Variants in SNTG1 observed in about 807,000 individuals in gnomAD.
SNTG1 encodes the protein syntrophin gamma 1.
A neutral mutation model predicts 74.7 loss-of-function variants in SNTG1; 39 were observed. The observed-to-expected ratio is 0.52, with a 90% CI of 0.40 to 0.68. The LOEUF (loss-of-function observed/expected upper bound fraction) is 0.68. Among genes scored for constraint, SNTG1 ranks in the 30% least tolerant of loss-of-function variants. The pLI, the probability that SNTG1 is intolerant of heterozygous loss-of-function variation, is 0.00. For missense variants in SNTG1, 685 were observed against 609.5 expected, an observed-to-expected ratio of 1.12 and a Z score of -1.30; for synonymous variants, 254 against 217.1, an observed-to-expected ratio of 1.17 and a Z score of -1.49.
intron 1 of SNTG1, among the ~76,000 whole-genome samples, chr8:50,058,309 C>T (rs1489602516): frequency 6.6e-6 from 1 of 152,084 alleles, no homozygotes; most frequent in Non-Finnish European, 1.5e-5. Flanking sequence ...CAGAAACAGA[C>T]AGATGAGATT....
At chr8:50,181,039 C>T (rs769872127) in intron 2 of SNTG1, among the ~76,000 whole-genome samples, 26 of 152,152 alleles carry the variant, frequency 1.7e-4, no homozygotes, top group Non-Finnish European at 3.4e-4. Context: ...GCTAGGATTA[C>T]AGGCGTGAGC....
intron 9 of SNTG1, among the ~76,000 whole-genome samples, chr8:50,513,739 G>A (rs2094107104): frequency 6.6e-6 from 1 of 152,250 alleles, no homozygotes; most frequent in Admixed American, 6.5e-5. Context: ...ATCTCCTGGT[G>A]TGCCGTTTGC....
At chr8:50,402,801 G>A (rs968301454) in intron 4 of SNTG1, among the ~76,000 whole-genome samples, 7 of 152,134 alleles carry the variant, frequency 4.6e-5, no homozygotes, top group African/African-American at 1.7e-4. Flanking sequence ...GTTCCCCTAG[G>A]ATAGTGTCTA....
chr8:50,391,388 TG>T (rs1426371726), intron 2 of SNTG1, among the ~76,000 whole-genome samples: 3 of 152,186 alleles, frequency 2.0e-5, no homozygotes, highest in African/African-American at 7.2e-5. Context: ...GATTTGTGTA[TG>T]TTGAACCAGC....
intron 2 of SNTG1, among the ~76,000 whole-genome samples, chr8:50,195,110 C>A (rs911455911): frequency 1.1e-4 from 16 of 152,210 alleles, no homozygotes; most frequent in African/African-American, 3.6e-4. Context: ...TTGGGCAGTT[C>A]TTGCTGTGGC....
At chr8:50,689,729 C>G (rs972583018) in intron 15 of SNTG1, among the ~76,000 whole-genome samples, 1 of 152,122 alleles carries the variant, frequency 6.6e-6, no homozygotes, top group Non-Finnish European at 1.5e-5. Context: ...TGTGTCTCTG[C>G]CAGGCTTTGG....
intron 12 of SNTG1, among the ~76,000 whole-genome samples, chr8:50,571,730 G>T (rs1473973741): frequency 6.6e-6 from 1 of 152,196 alleles, no homozygotes; most frequent in Non-Finnish European, 1.5e-5. Flanking sequence ...AATGTTCATT[G>T]CAGAGTACTG....
intron 16 of SNTG1, among the ~76,000 whole-genome samples, chr8:50,705,999 C>T (rs999930027): frequency 3.9e-5 from 6 of 152,280 alleles, no homozygotes; most frequent in Admixed American, 2.0e-4. Flanking sequence ...GGAATGTTTG[C>T]GTAAAACAGG....
intron 4 of SNTG1, among the ~76,000 whole-genome samples, chr8:50,410,691 AG>A (rs1391493250): frequency 6.6e-6 from 1 of 152,166 alleles, no homozygotes; most frequent in Non-Finnish European, 1.5e-5. Flanking sequence ...AGCCCCTGGA[AG>A]CCACCATTCT....
chr8:50,319,782 T>C (rs896660609), intron 2 of SNTG1, among the ~76,000 whole-genome samples: 7 of 152,222 alleles, frequency 4.6e-5, no homozygotes, highest in African/African-American at 1.7e-4. Context: ...GTTGAAATGA[T>C]TATATGGTTT....
chr8:50,216,450 C>T lies in SNTG1; in HGVS notation c.-28+43815C>T, dbSNP rs1371460324. 2.6e-5 allele frequency among the ~76,000 whole-genome samples: 4 copies of T among 152,194 alleles called. No individual in the cohort carries two copies. In the East Asian group the frequency reaches 7.7e-4, roughly 29 times the overall value. On this transcript the variant is annotated intron_variant, in intron 2 of 18. Transcript: ENST00000642720. ...TCACATATTAGGTTGTTATAAGAGTCTGGCATGAGGGAAATAAGTAGACTC... is the reference window on the plus strand; with the variant it reads ...TCACATATTAGGTTGTTATAAGAGTTTGGCATGAGGGAAATAAGTAGACTC...
intron 17 of SNTG1, among the ~76,000 whole-genome samples, chr8:50,731,421 A>G (rs1046842177): frequency 2.0e-5 from 3 of 152,140 alleles, no homozygotes; most frequent in Admixed American, 2.0e-4. Flanking sequence ...GCAAATTAGT[A>G]AATTCTACAC....
intron 13 of SNTG1, among the ~76,000 whole-genome samples, chr8:50,656,176 A>G (rs2095179411): frequency 6.6e-6 from 1 of 152,186 alleles, no homozygotes; most frequent in Non-Finnish European, 1.5e-5. Flanking sequence ...TGAATGCCAC[A>G]TGAATATGTT....
intron 8 of SNTG1, among the ~76,000 whole-genome samples, chr8:50,501,825 C>A (rs1057051755): frequency 1.3e-5 from 2 of 151,742 alleles, no homozygotes. Flanking sequence ...TCTTTAATTG[C>A]GGTTGAACAA....
intron 4 of SNTG1, among the ~76,000 whole-genome samples, chr8:50,416,319 T>C (rs2093013162): frequency 1.3e-5 from 2 of 152,140 alleles, no homozygotes; most frequent in South Asian, 4.1e-4. Flanking sequence ...GGTTCTATAG[T>C]TCCTCCTGCT....
intron 4 of SNTG1, among the ~76,000 whole-genome samples, chr8:50,419,973 T>G (rs1418920837): frequency 6.6e-6 from 1 of 151,124 alleles, no homozygotes; most frequent in African/African-American, 2.4e-5. Flanking sequence ...TAAAAATTAC[T>G]CATTCTGAAA....
rs181345179 is a variant in SNTG1, at chr8:50,531,203, C to T, written c.549+944C>T. Reference sequence around the variant, plus strand: ...TCCTCAGCTGAGTACCTTAGGCCCTCAAGTTGTCAACTTTTTTCCTTCGTA... The same window carrying T: ...TCCTCAGCTGAGTACCTTAGGCCCTTAAGTTGTCAACTTTTTTCCTTCGTA... On this transcript the variant is annotated intron_variant, in intron 10 of 18. Transcript: ENST00000642720. Among the ~76,000 whole-genome samples, 259 of 152,274 alleles carry T rather than the reference C, an allele frequency of 1.7e-3. 1 individual carries two copies. The highest frequency in any genetic ancestry group is 6.0e-3 in the African/African-American group (250 of 41,562).
At chr8:50,499,515 T>A (rs1402956064) in intron 8 of SNTG1, among the ~76,000 whole-genome samples, 1 of 151,564 alleles carries the variant, frequency 6.6e-6, no homozygotes, top group East Asian at 1.9e-4. Flanking sequence ...CAAATATAGA[T>A]ACCTAAATTT....
intron 1 of SNTG1, among the ~76,000 whole-genome samples, chr8:50,059,782 G>T (rs1179024586): frequency 6.6e-6 from 1 of 152,050 alleles, no homozygotes; most frequent in African/African-American, 2.4e-5. Context: ...TGGGTATCAT[G>T]AATAATGCTT....
Sources: allele counts gnomAD v4.1 joint callset (sites outside exome capture counted in the v4.1 genomes callset), GRCh38; gene constraint gnomAD v4.1.1; transcripts MANE v1.5; gene names NCBI Gene and HGNC (gene_info 2026-07-23, HGNC 2026-07-21).